Variants in CACNA2D2 observed in about 807,000 individuals in gnomAD.
The protein encoded by CACNA2D2 is calcium voltage-gated channel auxiliary subunit alpha2delta 2.
In CACNA2D2, 48 loss-of-function variants were observed where a neutral mutation model predicts 166.4. The observed-to-expected ratio is 0.29, with a 90% CI of 0.23 to 0.37. The LOEUF (loss-of-function observed/expected upper bound fraction) is 0.37. Among genes scored for constraint, CACNA2D2 ranks in the 10% least tolerant of loss-of-function variants. The probability of loss-of-function intolerance (pLI) is 1.00; values close to 1 mark genes in which losing one functional copy is unlikely to be tolerated. For missense variants in CACNA2D2, 1,122 were observed against 1,433.0 expected (o/e 0.78, Z 3.50); for synonymous variants, 561 against 573.7 (o/e 0.98, Z 0.32).
chr3:50,443,604 G>T (rs11917269), intron 2 of CACNA2D2, among the ~76,000 whole-genome samples: 29,278 of 152,162 alleles, frequency 0.19, 3,619 homozygotes, highest in South Asian at 0.4. Context: ...ACCTTGTGCA[G>T]CCCTGGCCCA....
At chr3:50,447,663 T>C (rs917343484) in intron 2 of CACNA2D2, among the ~76,000 whole-genome samples, 1 of 152,070 alleles carries the variant, frequency 6.6e-6, no homozygotes, top group Non-Finnish European at 1.5e-5. Flanking sequence ...GTGGCCTGAG[T>C]TGGTCCTGCT....
Position 50,377,791 on chromosome 3 carries a change from C to T in CACNA2D2, c.1492G>A (p.Val498Met). 1 of 1,613,278 alleles carries T rather than the reference C, an allele frequency of 6.2e-7. No homozygotes were observed. The highest frequency in any genetic ancestry group is 8.5e-7 in the Non-Finnish European group (1 of 1,179,796). ...AAAACAGGGAGGGTCCCTGTTACCA[C>T]CAACCCCAGTCCCTGAAGGGAGAGG... ...VYEDALGLGL[V>M]VTGTLPVFNL... Residue 498 changes from valine to methionine, a missense_variant, in exon 16 of 38, where the codon GTG (valine) becomes ATG (methionine). This residue lies in a region of CACNA2D2 where 840 missense variants were observed against 1,166.8 expected (regional missense o/e 0.72). Coordinates refer to ENST00000424201, the MANE Select transcript of CACNA2D2 (RefSeq NM_006030.4).
Position 50,437,985 on chromosome 3 carries a change from C to T in CACNA2D2, c.289-3556G>A, listed in dbSNP as rs1433596199. The stretch of plus-strand genomic sequence containing the variant: ...ACCTCTGCTGGACTAAGGAGCACGA[C>T]GGGGCCCAGCTGATCCCAGGGTGCC... On this transcript the variant is annotated intron_variant, in intron 2 of 37. Coordinates refer to ENST00000424201, the MANE Select transcript of CACNA2D2 (RefSeq NM_006030.4). 2.0e-5 allele frequency among the ~76,000 whole-genome samples: 3 copies of T among 152,232 alleles called. No homozygotes were observed. In the East Asian group the frequency reaches 5.8e-4, roughly 29 times the overall value.
chr3:50,417,941 G>A (rs1308655979), intron 3 of CACNA2D2, among the ~76,000 whole-genome samples: 3 of 152,186 alleles, frequency 2.0e-5, no homozygotes, highest in Admixed American at 6.5e-5. Flanking sequence ...GAGCCTGGCA[G>A]GATGGGGTTC....
chr3:50,456,584 T>C (rs568467071), intron 2 of CACNA2D2, among the ~76,000 whole-genome samples: 1 of 152,300 alleles, frequency 6.6e-6, no homozygotes, highest in Non-Finnish European at 1.5e-5. Context: ...GACCGTTGTC[T>C]CCAGGGATCC....
intron 3 of CACNA2D2, among the ~76,000 whole-genome samples, chr3:50,410,481 G>GGGT (rs1553739107): frequency 2.0e-5 from 1 of 51,144 alleles, no homozygotes; most frequent in Non-Finnish European, 3.5e-5. Flanking sequence ...TCCCTGGGAT[G>GGGT]GGGGGGGGGG....
intron 2 of CACNA2D2, among the ~76,000 whole-genome samples, chr3:50,469,400 G>A (rs1209055581): frequency 6.6e-6 from 1 of 152,022 alleles, no homozygotes; most frequent in African/African-American, 2.4e-5. Context: ...CCTAAAAGGT[G>A]TCATGATCAA....
intron 3 of CACNA2D2, among the ~76,000 whole-genome samples, chr3:50,419,028 G>C (rs528368310): frequency 2.0e-5 from 3 of 152,170 alleles, no homozygotes; most frequent in Non-Finnish European, 2.9e-5. Context: ...GCAGAGGAGT[G>C]GGGGAGGTGA....
intron 22 of CACNA2D2, among the ~76,000 whole-genome samples, chr3:50,372,374 G>A (rs945110744): frequency 1.6e-4 from 25 of 152,160 alleles, no homozygotes; most frequent in Admixed American, 1.2e-3. Context: ...AAGCCACCCC[G>A]GGGCTCAGCA....
chr3:50,475,543 C>T (rs73082936), intron 2 of CACNA2D2, among the ~76,000 whole-genome samples: 9,794 of 152,206 alleles, frequency 0.064, 440 homozygotes, highest in Non-Finnish European at 0.093. Flanking sequence ...TTGCAGCTTC[C>T]GGGGGTGATG....
chr3:50,470,464 G>T (rs1407761760), intron 2 of CACNA2D2, among the ~76,000 whole-genome samples: 1 of 152,160 alleles, frequency 6.6e-6, no homozygotes, highest in Non-Finnish European at 1.5e-5. Context: ...CGTGTGGAAG[G>T]ATATGGGCGA....
intron 13 of CACNA2D2, 35 bp downstream of exon 13, chr3:50,378,880 G>C (rs1053991261): frequency 6.2e-7 from 1 of 1,611,822 alleles, no homozygotes; most frequent in Non-Finnish European, 8.5e-7. Context: ...AGAAATGGCA[G>C]GCAGGCCCCT....
At position 50,434,393 on chromosome 3, in the gene CACNA2D2, C is replaced by T; in HGVS notation, c.325G>A (p.Glu109Lys). ...TCCACCAACTTCTGAGGCTCATTCTCCTGTACCTCGAACAGGTTCCGGTTG... is the reference window on the plus strand; with the variant it reads ...TCCACCAACTTCTGAGGCTCATTCTTCTGTACCTCGAACAGGTTCCGGTTG... ...KDNRNLFEVQ[E>K]NEPQKLVEKV... The change falls in exon 3 of 38, where the codon GAG becomes AAG. Residue 109 changes from glutamate (E) to lysine (K), a missense_variant. Glu to Lys is a moderately conservative substitution (Grantham distance 56). Around this residue, in one of 2 missense-constraint regions of CACNA2D2, gnomAD observed 840 missense variants for 1,166.8 expected, o/e 0.72. Coordinates refer to ENST00000424201, the MANE Select transcript of CACNA2D2 (RefSeq NM_006030.4). The T allele has an allele frequency of 3.1e-6, 5 of 1,614,146 alleles. No individual in the cohort carries two copies. Among genetic ancestry groups the T allele is most frequent in the Non-Finnish European group, 3.4e-6 (4 of 1,180,002 alleles).
rs368415357 is a variant in CACNA2D2, at chr3:50,476,110, G to T, written c.288+8C>A. On this transcript the variant is annotated splice_region_variant and intron_variant, in intron 2 of 37. Coordinates refer to ENST00000424201, the MANE Select transcript of CACNA2D2 (RefSeq NM_006030.4). ...CCCTGAAGAGACAGCAAGTGGCACC[G>T]GGCTCACCTCACGGAGCTGCTGGAC... 6 of 1,592,604 alleles carry T rather than the reference G, an allele frequency of 3.8e-6. No individual in the cohort carries two copies. Among genetic ancestry groups the T allele is most frequent in the Non-Finnish European group, 5.1e-6 (6 of 1,169,290 alleles).
intron 6 of CACNA2D2, among the ~76,000 whole-genome samples, chr3:50,383,635 C>A (rs587733080): frequency 6.6e-6 from 1 of 152,204 alleles, no homozygotes; most frequent in African/African-American, 2.4e-5. Context: ...CCCTCTTCCA[C>A]ATCCCCCTTC....
intron 3 of CACNA2D2, among the ~76,000 whole-genome samples, chr3:50,405,093 G>T (rs4688722): frequency 0.015 from 2,260 of 152,238 alleles, 187 homozygotes; most frequent in Admixed American, 0.13. Context: ...TTAACATTAG[G>T]AATCTAATCA....
At chr3:50,451,186 C>T (rs1306444934) in intron 2 of CACNA2D2, among the ~76,000 whole-genome samples, 2 of 151,906 alleles carry the variant, frequency 1.3e-5, no homozygotes, top group African/African-American at 2.4e-5. Context: ...AGTGCAATGG[C>T]GCGATCTCGG....
intron 2 of CACNA2D2, among the ~76,000 whole-genome samples, chr3:50,462,090 TA>T (rs1709613189): frequency 6.6e-6 from 1 of 151,892 alleles, no homozygotes; most frequent in South Asian, 2.1e-4. Context: ...ACTAAACAAA[TA>T]AACTAACAAC....
chr3:50,378,262 G>A, intron 14 of CACNA2D2, 22 bp downstream of exon 14: 1 of 1,554,836 alleles, frequency 6.4e-7, no homozygotes, highest in South Asian at 1.2e-5. Context: ...GGGCTGGGAG[G>A]AGGGGCCTCC....
Sources: allele counts gnomAD v4.1 joint callset (sites outside exome capture counted in the v4.1 genomes callset), GRCh38; gene constraint gnomAD v4.1.1; regional missense constraint gnomAD v4.1.1; transcripts MANE v1.5; gene names NCBI Gene and HGNC (gene_info 2026-07-23, HGNC 2026-07-21).